NCOA1: variants seen among roughly 807,000 people sequenced by gnomAD.
NCOA1 encodes the protein nuclear receptor coactivator 1, also known as Hin-2 protein.
NCOA1 carries 35 observed loss-of-function variants against 150.9 expected under a neutral mutation model. The observed-to-expected ratio is 0.23, with a 90% CI of 0.18 to 0.31. The LOEUF is 0.31. NCOA1 is among the 10% of genes least tolerant of loss of function. NCOA1 has a pLI of 1.00. For synonymous variants in NCOA1, 590 were observed against 630.0 expected, an observed-to-expected ratio of 0.94 and a Z score of 0.95; for missense variants, 1,491 against 1,749.3, an observed-to-expected ratio of 0.85 and a Z score of 2.63.
At chr2:24,686,153 C>A (rs1672393289) in intron 8 of NCOA1, among the ~76,000 whole-genome samples, 1 of 152,142 alleles carries the variant, frequency 6.6e-6, no homozygotes, top group African/African-American at 2.4e-5. Context: ...ATGTGCCCAC[C>A]ACCACGCCCA....
chr2:24,571,755 G>A (rs1666752826), intron 2 of NCOA1, among the ~76,000 whole-genome samples: 1 of 152,174 alleles, frequency 6.6e-6, no homozygotes, highest in African/African-American at 2.4e-5. Context: ...GAGTCCAGCT[G>A]ACTTTGCTCC....
intron 10 of NCOA1, 150 bp downstream of exon 10, chr2:24,693,497 G>T: frequency 1.5e-6 from 1 of 668,412 alleles, no homozygotes. Context: ...TGGTGCTCTT[G>T]AGATTATACA....
intron 3 of NCOA1, among the ~76,000 whole-genome samples, chr2:24,630,089 C>T (rs561001620): frequency 3.9e-4 from 60 of 152,118 alleles, no homozygotes; most frequent in Non-Finnish European, 8.2e-4. Context: ...TCGTGATCCG[C>T]CCGTCTCGGC....
At chr2:24,569,956 TC>T (rs1666675775) in intron 2 of NCOA1, among the ~76,000 whole-genome samples, 1 of 151,612 alleles carries the variant, frequency 6.6e-6, no homozygotes, top group South Asian at 2.1e-4. Context: ...GAAAAATACT[TC>T]CCAGAGTCAA....
chr2:24,768,041 C>G, intron 22 of NCOA1, 180 bp from the exon 23 acceptor site: 1 of 1,607,834 alleles, frequency 6.2e-7, no homozygotes, highest in Non-Finnish European at 8.5e-7. Flanking sequence ...CTTTCCAGAA[C>G]CCTGAGCAAA....
At chr2:24,553,070 C>T (rs1319972320) in intron 1 of NCOA1, among the ~76,000 whole-genome samples, 7 of 152,210 alleles carry the variant, frequency 4.6e-5, no homozygotes, top group Middle Eastern at 3.4e-3. Flanking sequence ...ATGTCTCGTT[C>T]GTCATCTTAG....
chr2:24,540,284 G>T (rs1009175776), intron 1 of NCOA1, among the ~76,000 whole-genome samples: 4 of 152,124 alleles, frequency 2.6e-5, no homozygotes, highest in African/African-American at 9.7e-5. Flanking sequence ...GACAGATAGG[G>T]AATTTATTAT....
chr2:24,678,763 T>A (rs1337365323), intron 7 of NCOA1, among the ~76,000 whole-genome samples: 1 of 152,210 alleles, frequency 6.6e-6, no homozygotes, highest in East Asian at 1.9e-4. Flanking sequence ...TTTGTTTAAG[T>A]TCCTTGTAGA....
Position 24,707,190 on chromosome 2 carries a change from A to T in NCOA1, c.1720A>T (p.Asn574Tyr), listed in dbSNP as rs754627406. The T allele has an allele frequency of 6.2e-6, 10 of 1,614,104 alleles. No individual in the cohort carries two copies. Among genetic ancestry groups the T allele is most frequent in the Admixed American group, 5.0e-5 (3 of 60,004 alleles). Residue 574 changes from asparagine to tyrosine, a missense_variant, in exon 13 of 23, where the codon AAT (asparagine) becomes TAT (tyrosine). Asn to Tyr is a moderately radical substitution (Grantham distance 143). Coordinates refer to ENST00000348332, the MANE Select transcript of NCOA1 (RefSeq NM_003743.5). ...CTCACAGAATTCACCTAGCAGATTA[A>T]ATATACAACCAGCAAAAGCTGAGTC... ...MSSQNSPSRL[N>Y]IQPAKAESKD...
At chr2:24,626,469 T>G (rs1669413247) in intron 3 of NCOA1, among the ~76,000 whole-genome samples, 1 of 152,190 alleles carries the variant, frequency 6.6e-6, no homozygotes. Flanking sequence ...AGCAGGAGAT[T>G]TCAATGGATT....
intron 11 of NCOA1, among the ~76,000 whole-genome samples, chr2:24,700,115 C>T (rs1265461739): frequency 1.3e-5 from 2 of 150,860 alleles, no homozygotes; most frequent in East Asian, 1.9e-4. Context: ...TGCACTCCAG[C>T]CTGGGCAACA....
intron 1 of NCOA1, among the ~76,000 whole-genome samples, chr2:24,519,652 CAA>C (rs1014874055): frequency 9.7e-5 from 7 of 72,282 alleles, no homozygotes; most frequent in African/African-American, 5.6e-5. Context: ...CCTGTCTCTA[CAA>C]AAAAAAAAAA....
intron 1 of NCOA1, among the ~76,000 whole-genome samples, chr2:24,504,154 C>A (rs1663594671): frequency 6.6e-6 from 1 of 152,162 alleles, no homozygotes; most frequent in Non-Finnish European, 1.5e-5. Context: ...AAGTTTGTTA[C>A]CGATGATACT....
chr2:24,692,824 A>G (rs535014609), intron 9 of NCOA1, among the ~76,000 whole-genome samples: 1 of 152,364 alleles, frequency 6.6e-6, no homozygotes, highest in Non-Finnish European at 1.5e-5. Context: ...GAATGATTTC[A>G]GTATTATGCA....
intron 11 of NCOA1, among the ~76,000 whole-genome samples, chr2:24,700,046 G>A (rs1243608259): frequency 6.6e-6 from 1 of 152,002 alleles, no homozygotes. Context: ...GGAAGGCTGA[G>A]GCAGGAGAAT....
intron 1 of NCOA1, among the ~76,000 whole-genome samples, chr2:24,538,174 A>G (rs1665244952): frequency 6.6e-6 from 1 of 152,246 alleles, no homozygotes; most frequent in South Asian, 2.1e-4. Flanking sequence ...GTCACTTGAT[A>G]TAAAAGCAGG....
At chr2:24,562,555 A>G (rs567850868) in intron 1 of NCOA1, among the ~76,000 whole-genome samples, 6 of 152,284 alleles carry the variant, frequency 3.9e-5, no homozygotes, top group South Asian at 4.1e-4. Flanking sequence ...GAGTGGCAAA[A>G]GTTTGGGAAA....
At chr2:24,725,972 A>G (rs1040466197) in intron 14 of NCOA1, among the ~76,000 whole-genome samples, 4 of 152,068 alleles carry the variant, frequency 2.6e-5, no homozygotes, top group African/African-American at 9.7e-5. Context: ...AAAGCTTTCC[A>G]AAAAAGCGTT....
intron 2 of NCOA1, among the ~76,000 whole-genome samples, chr2:24,570,614 A>G (rs540822097): frequency 6.6e-6 from 1 of 152,346 alleles, no homozygotes; most frequent in East Asian, 1.9e-4. Flanking sequence ...AAGATCATGA[A>G]TGGCTGCTAA....
Sources: allele counts gnomAD v4.1 joint callset (sites outside exome capture counted in the v4.1 genomes callset), GRCh38; gene constraint gnomAD v4.1.1; transcripts MANE v1.5; gene names NCBI Gene and HGNC (gene_info 2026-07-23, HGNC 2026-07-21).